The following ARHGEF18 variants were observed in gnomAD, a reference collection of about 807,000 sequenced individuals.
The protein encoded by ARHGEF18 is rho guanine nucleotide exchange factor 18.
Under a neutral mutation model 155.7 loss-of-function variants are expected in ARHGEF18, and 93 were observed. The ratio of observed to expected loss-of-function variants is 0.60; its 90% CI spans 0.50 to 0.71. ARHGEF18 has a LOEUF of 0.71. Among genes scored for constraint, ARHGEF18 ranks in the 30% least tolerant of loss-of-function variants. The pLI is 0.00. For synonymous variants in ARHGEF18, 742 were observed against 753.1 expected, an observed-to-expected ratio of 0.99 and a Z score of 0.24; for missense variants, 1,593 against 1,816.1, an observed-to-expected ratio of 0.88 and a Z score of 2.23.
chr19:7,357,185 A>T (rs367576656), intron 1 of ARHGEF18, among the ~76,000 whole-genome samples: 5 of 152,304 alleles, frequency 3.3e-5, no homozygotes, highest in South Asian at 2.1e-4. Context: ...ATGTGTTCTG[A>T]CTGATGAACA....
At position 7,395,951 on chromosome 19, in the gene ARHGEF18, TA is replaced by T. The variant is rs142016338; in HGVS notation, c.967+12749del. The stretch of plus-strand genomic sequence containing the variant: ...GGTGTGACTGATCTCGTCACCCAGG[TA>T]CTGAGCATAGTACTCAATAGATAGT... On this transcript the variant is annotated intron_variant, in intron 10 of 28. Transcript: ENST00000668164. The surrounding 1 kb of genome is among the most constrained non-coding windows in gnomAD (Gnocchi z 5.0). Among the ~76,000 whole-genome samples, 1,739 of 152,258 alleles carry T rather than the reference TA, an allele frequency of 0.011. 136 individuals are homozygous for T. In the East Asian group the frequency reaches 0.18, roughly 16 times the overall value.
In ARHGEF18 at chr19:7,462,240, C is replaced by T. The variant is rs200804761; in HGVS notation, c.2541C>T (p.Leu847=). 1.2e-4 allele frequency: 190 copies of T among 1,613,886 alleles called. 1 individual carries two copies. The Admixed American group carries it at 1.5e-3, about 13-fold the overall frequency. The change falls in exon 21 of 29, where the codon CTC becomes CTT. Residue 847 remains leucine (L), a synonymous_variant. Transcript: ENST00000668164. The surrounding 1 kb of genome is among the most constrained non-coding windows in gnomAD (Gnocchi z 4.4). The stretch of plus-strand genomic sequence containing the variant: ...TGGAGATGGCCGAGATGGGCGGCCT[C>T]GAAGACCTGCCCCAGCCCCGAGGCC... ...IYLEMAEMGG[L]EDLPQPRGLF... is the part of the protein sequence containing the mutation.
chr19:7,430,687 C>T (rs1485289700), intron 10 of ARHGEF18, among the ~76,000 whole-genome samples: 1 of 152,002 alleles, frequency 6.6e-6, no homozygotes, highest in Non-Finnish European at 1.5e-5. Context: ...CGCCTATAGT[C>T]CCAGCCACTT....
At chr19:7,419,955 T>G (rs536410498) in intron 10 of ARHGEF18, among the ~76,000 whole-genome samples, 158 of 112,810 alleles carry the variant, frequency 1.4e-3, no homozygotes, top group Non-Finnish European at 2.2e-3. Context: ...GTACTCACAC[T>G]CGGCCCTCAT....
chr19:7,365,366 G>C (rs1037599967), intron 2 of ARHGEF18, among the ~76,000 whole-genome samples: 1 of 152,202 alleles, frequency 6.6e-6, no homozygotes, highest in African/African-American at 2.4e-5. Context: ...GGTGGGGATT[G>C]CAGTGAGCCA....
At position 7,357,516 on chromosome 19, in the gene ARHGEF18, A is replaced by G. The variant is rs61047711; in HGVS notation, c.-110-5265A>G. On this transcript the variant is annotated intron_variant, in intron 1 of 28. Coordinates refer to ENST00000668164, the MANE Select transcript of ARHGEF18 (RefSeq NM_001367823.1). Reference sequence around the variant, plus strand: ...CCTGGGACTGAATCCAGGCTGATGGACAGCTCCTTGGAGAGAAGCATGGGG... The same window carrying G: ...CCTGGGACTGAATCCAGGCTGATGGGCAGCTCCTTGGAGAGAAGCATGGGG... 4.3e-3 allele frequency among the ~76,000 whole-genome samples: 659 copies of G among 152,228 alleles called. 29 individuals are homozygous for G. In the East Asian group the frequency reaches 0.11, roughly 24 times the overall value.
intron 10 of ARHGEF18, among the ~76,000 whole-genome samples, chr19:7,434,220 C>A (rs1974130523): frequency 6.6e-6 from 1 of 151,896 alleles, no homozygotes; most frequent in South Asian, 2.1e-4. Flanking sequence ...AACACCTAGC[C>A]TCAAGCGATC....
intron 22 of ARHGEF18, 138 bp from the exon 23 acceptor site, chr19:7,464,422 C>A: frequency 9.7e-7 from 1 of 1,029,580 alleles, no homozygotes; most frequent in Non-Finnish European, 1.4e-6. Flanking sequence ...CCCTCTCCAG[C>A]AGGCGTCTGT....
intron 23 of ARHGEF18, among the ~76,000 whole-genome samples, chr19:7,465,392 C>T (rs1374054955): frequency 6.7e-6 from 1 of 149,668 alleles, no homozygotes; most frequent in Non-Finnish European, 1.5e-5. Context: ...TTTGGGAGAC[C>T]GAGGTGGGAG....
chr19:7,373,479 T>TTG (rs1970295197), intron 3 of ARHGEF18, among the ~76,000 whole-genome samples: 2 of 132,574 alleles, frequency 1.5e-5, no homozygotes, highest in African/African-American at 8.0e-5. Context: ...TTTTTTTTGT[T>TTG]TTTGTTTTTT....
chr19:7,390,525 GAAAAAA>G (rs1869387137), intron 10 of ARHGEF18: 1 of 108,814 alleles, frequency 9.2e-6, no homozygotes, highest in African/African-American at 2.9e-5. Flanking sequence ...AAAAAAAAAA[GAAAAAA>G]GAAAAGAAAA....
intron 15 of ARHGEF18, among the ~76,000 whole-genome samples, chr19:7,448,584 C>A (rs1975154203): frequency 6.6e-6 from 1 of 151,996 alleles, no homozygotes; most frequent in Admixed American, 6.6e-5. Flanking sequence ...TGGTGTGAAC[C>A]CGGGAGGCGG....
intron 10 of ARHGEF18, among the ~76,000 whole-genome samples, chr19:7,389,955 G>A (rs1226519855): frequency 2.0e-5 from 3 of 152,218 alleles, no homozygotes; most frequent in Admixed American, 6.6e-5. Flanking sequence ...TAATCTCAGC[G>A]CTTTGGGAGG....
intron 10 of ARHGEF18, among the ~76,000 whole-genome samples, chr19:7,435,566 T>G (rs1241498780): frequency 6.6e-6 from 1 of 151,986 alleles, no homozygotes; most frequent in Non-Finnish European, 1.5e-5. Flanking sequence ...GCCAGGAGTG[T>G]GAGAGCCCCA....
rs1976343644 is a variant in ARHGEF18, at chr19:7,462,554, A to T, written c.2635+220A>T. Among the ~76,000 whole-genome samples, 1 of 152,092 alleles carries T rather than the reference A, an allele frequency of 6.6e-6. No homozygotes were observed. The highest frequency in any genetic ancestry group is 1.5e-5 in the Non-Finnish European group (1 of 68,030). On this transcript the variant is annotated intron_variant, in intron 21 of 28. Transcript: ENST00000668164. The surrounding 1 kb of genome is among the most constrained non-coding windows in gnomAD (Gnocchi z 4.4). ...CTGGGCCAAGCCGCTCCTTGCAGAC[A>T]TAAAGCACTTTCTCCCCGTTCAACA...
intron 10 of ARHGEF18, among the ~76,000 whole-genome samples, chr19:7,388,355 A>T (rs1971198470): frequency 6.6e-6 from 1 of 151,624 alleles, no homozygotes; most frequent in South Asian, 2.1e-4. Context: ...ATGCCTCCCA[A>T]AGTGCTGGGA....
In ARHGEF18 at chr19:7,440,281, C is replaced by T. The variant is rs754427062; in HGVS notation, c.968-63C>T. ...CCGCAGTCGGAGCGGGGCTTCCGCG[C>T]CGGGGACCTCCGCTACCCGACCCAC... On this transcript the variant is annotated intron_variant, in intron 10 of 28. Coordinates refer to ENST00000668164, the MANE Select transcript of ARHGEF18 (RefSeq NM_001367823.1). The surrounding 1 kb of genome is among the most constrained non-coding windows in gnomAD (Gnocchi z 5.4). 2.7e-5 allele frequency: 43 copies of T among 1,568,398 alleles called. No homozygotes were observed. In the East Asian group the frequency reaches 9.1e-4, roughly 33 times the overall value.
chr19:7,386,201 G>T (rs1022102693), intron 10 of ARHGEF18, among the ~76,000 whole-genome samples: 1 of 139,142 alleles, frequency 7.2e-6, no homozygotes, highest in Non-Finnish European at 1.6e-5. Context: ...TAACATTTTC[G>T]TTTGTTTGTA....
chr19:7,454,394 A>G (rs1975699029), intron 17 of ARHGEF18, among the ~76,000 whole-genome samples: 1 of 151,016 alleles, frequency 6.6e-6, no homozygotes, highest in Non-Finnish European at 1.5e-5. Context: ...AGTGAGCACC[A>G]TCTTGGAATG....
Sources: allele counts gnomAD v4.1 joint callset (sites outside exome capture counted in the v4.1 genomes callset), GRCh38; gene constraint gnomAD v4.1.1; non-coding constraint Gnocchi (gnomAD v3.1); transcripts MANE v1.5; gene names NCBI Gene and HGNC (gene_info 2026-07-23, HGNC 2026-07-21).